GMDS: variants seen among roughly 807,000 people sequenced by gnomAD.
GMDS encodes the protein GDP-mannose 4,6 dehydratase.
In GMDS, 20 loss-of-function variants were observed where a neutral mutation model predicts 49.9. That is an observed-to-expected ratio of 0.40 (90% CI 0.28 to 0.58). The LOEUF (loss-of-function observed/expected upper bound fraction) is 0.58. GMDS is among the 20% of genes least tolerant of loss of function. The pLI is 0.42. For synonymous variants in GMDS, 177 were observed against 178.6 expected (o/e 0.99, Z 0.07); for missense variants, 362 against 481.4 (o/e 0.75, Z 2.32).
chr6:1,749,316 A>G lies in GMDS; in HGVS notation c.772-6730T>C, dbSNP rs567676432. On this transcript the variant is annotated intron_variant, in intron 7 of 10. Coordinates refer to ENST00000380815, the MANE Select transcript of GMDS (RefSeq NM_001500.4). ...ATAAAATTGGCTTCTGGCTGGTTGT[A>G]GTGGCTCACACCTGCAATCTTAGCA... Among the ~76,000 whole-genome samples the G allele has an allele frequency of 6.6e-5, 10 of 152,278 alleles. No homozygotes were observed. The East Asian group carries it at 1.9e-3, about 29-fold the overall frequency.
chr6:2,017,933 C>T (rs755452401), intron 4 of GMDS, among the ~76,000 whole-genome samples: 20 of 152,220 alleles, frequency 1.3e-4, no homozygotes, highest in African/African-American at 2.6e-4. Flanking sequence ...AAGCTGCATA[C>T]GCTGCAGGTA....
intron 8 of GMDS, among the ~76,000 whole-genome samples, chr6:1,731,545 T>A (rs74857376): frequency 0.028 from 4,338 of 152,232 alleles, 185 homozygotes; most frequent in African/African-American, 0.098. Context: ...GGCAATGGAG[T>A]AACACCTTCA....
At chr6:2,154,226 A>G (rs1776990479) in intron 1 of GMDS, among the ~76,000 whole-genome samples, 1 of 152,198 alleles carries the variant, frequency 6.6e-6, no homozygotes, top group African/African-American at 2.4e-5. Context: ...CATGAAGTAT[A>G]TTTAGTCTTT....
intron 7 of GMDS, among the ~76,000 whole-genome samples, chr6:1,843,786 C>A (rs941558044): frequency 6.6e-6 from 1 of 152,088 alleles, no homozygotes; most frequent in African/African-American, 2.4e-5. Context: ...TAAATAAATG[C>A]ATGCATGCGT....
chr6:2,111,462 A>AG (rs1774540482), intron 4 of GMDS, among the ~76,000 whole-genome samples: 1 of 152,214 alleles, frequency 6.6e-6, no homozygotes, highest in African/African-American at 2.4e-5. Flanking sequence ...AGTATTTCCC[A>AG]GACTTCTGTG....
At chr6:2,075,827 G>T (rs1006646574) in intron 4 of GMDS, among the ~76,000 whole-genome samples, 2 of 152,176 alleles carry the variant, frequency 1.3e-5, no homozygotes, top group African/African-American at 4.8e-5. Flanking sequence ...CTGAGGGATC[G>T]CCACACTGAC....
intron 4 of GMDS, among the ~76,000 whole-genome samples, chr6:2,057,253 G>A (rs757863169): frequency 2.0e-4 from 30 of 152,122 alleles, no homozygotes; most frequent in Admixed American, 2.6e-4. Context: ...ATACTATCAT[G>A]AGACCCTCCC....
rs182687209 is a variant in GMDS, at chr6:1,852,251, C to A, written c.771+77852G>T. 1.7e-4 allele frequency among the ~76,000 whole-genome samples: 26 copies of A among 152,290 alleles called. 1 individual carries two copies. Among genetic ancestry groups the A allele is most frequent in the Admixed American group, 1.7e-3 (26 of 15,304 alleles). ...CTCAAAGCCACAGGCCTCAAGAGCT[C>A]GCAAAATGCCCTTTAAATGAAGGAA... On this transcript the variant is annotated intron_variant, in intron 7 of 10. Coordinates refer to ENST00000380815, the MANE Select transcript of GMDS (RefSeq NM_001500.4).
intron 4 of GMDS, among the ~76,000 whole-genome samples, chr6:2,037,982 C>T (rs1769404286): frequency 6.6e-6 from 1 of 152,122 alleles, no homozygotes; most frequent in African/African-American, 2.4e-5. Flanking sequence ...CTATTCCCTG[C>T]CACAATATCT....
rs1763095959 is a variant in GMDS at position 1,946,856 on chromosome 6, TCTCTAGGCATGTTTCACA to T, written c.643+12993_643+13010del. Among the ~76,000 whole-genome samples, 5 of 152,158 alleles carry T rather than the reference TCTCTAGGCATGTTTCACA, an allele frequency of 3.3e-5. No individual in the cohort carries two copies. The South Asian group carries it at 1.0e-3, about 32-fold the overall frequency. On this transcript the variant is annotated intron_variant, in intron 6 of 10. Transcript: ENST00000380815. Reference sequence around the variant, plus strand: ...CCTTTGGGCAGGAGTGCCAAGAAGCTCTCTAGGCATGTTTCACAAGGAGCACTCAACTATTGCAATCCC... The same window carrying T: ...CCTTTGGGCAGGAGTGCCAAGAAGCTAGGAGCACTCAACTATTGCAATCCC...
intron 4 of GMDS, among the ~76,000 whole-genome samples, chr6:1,983,073 C>A (rs905686050): frequency 6.6e-6 from 1 of 151,994 alleles, no homozygotes; most frequent in Non-Finnish European, 1.5e-5. Context: ...AAAATGAGAC[C>A]GCACACCCAC....
chr6:2,113,328 A>T (rs1037444531), intron 4 of GMDS, among the ~76,000 whole-genome samples: 9 of 151,816 alleles, frequency 5.9e-5, no homozygotes, highest in African/African-American at 2.2e-4. Context: ...TCATCCAGCA[A>T]CTTCCTAGCT....
chr6:1,819,294 C>T (rs761010470), intron 7 of GMDS, among the ~76,000 whole-genome samples: 4 of 152,052 alleles, frequency 2.6e-5, no homozygotes, highest in Non-Finnish European at 5.9e-5. Flanking sequence ...GCAGGTAAGG[C>T]CCAAGTGTTA....
intron 9 of GMDS, among the ~76,000 whole-genome samples, chr6:1,722,249 G>T (rs150747089): frequency 0.83 from 120,998 of 145,096 alleles, 50,988 homozygotes; most frequent in East Asian, 1. Context: ...ATTATTAGTA[G>T]TAGTAGTAGT....
At chr6:1,964,231 T>C (rs957892411) in intron 4 of GMDS, among the ~76,000 whole-genome samples, 1 of 152,224 alleles carries the variant, frequency 6.6e-6, no homozygotes, top group Non-Finnish European at 1.5e-5. Context: ...TCTTATCCCA[T>C]GGTATTTGCA....
chr6:1,837,326 G>A (rs543449687), intron 7 of GMDS, among the ~76,000 whole-genome samples: 45 of 152,214 alleles, frequency 3.0e-4, no homozygotes, highest in South Asian at 2.3e-3. Context: ...GGACATAGCC[G>A]GTTCTTCAAA....
chr6:1,794,723 C>CCTTT (rs1769670531), intron 7 of GMDS, among the ~76,000 whole-genome samples: 1 of 152,258 alleles, frequency 6.6e-6, no homozygotes, highest in Middle Eastern at 3.4e-3. Flanking sequence ...CCTGACAAGA[C>CCTTT]CTTTATATGT....
intron 1 of GMDS, among the ~76,000 whole-genome samples, chr6:2,188,395 C>T (rs1212135891): frequency 6.6e-6 from 1 of 152,192 alleles, no homozygotes; most frequent in African/African-American, 2.4e-5. Flanking sequence ...GCTGCCTCAT[C>T]TGGGATGTCT....
Position 1,944,783 on chromosome 6 carries a change from C to G in GMDS, c.644-14553G>C, listed in dbSNP as rs150338711. ...CAAAGTAACGAAATCTTCAAAAGAC[C>G]TTTGATTCAAATTCTTGATCTGATA... is the stretch of plus-strand genomic sequence containing the variant. On this transcript the variant is annotated intron_variant, in intron 6 of 10. Transcript: ENST00000380815. Among the ~76,000 whole-genome samples, 695 of 151,958 alleles carry G rather than the reference C, an allele frequency of 4.6e-3. 7 individuals carry two copies. The highest frequency in any genetic ancestry group is 0.016 in the African/African-American group (663 of 41,444).
Sources: allele counts gnomAD v4.1 joint callset (sites outside exome capture counted in the v4.1 genomes callset), GRCh38; gene constraint gnomAD v4.1.1; transcripts MANE v1.5; gene names NCBI Gene and HGNC (gene_info 2026-07-23, HGNC 2026-07-21).